The following DENND1B variants were observed in gnomAD, a reference collection of about 807,000 sequenced individuals.
DENND1B encodes DENN domain containing 1B.
Under a neutral mutation model 90.1 loss-of-function variants are expected in DENND1B, and 59 were observed. The observed-to-expected ratio is 0.65, with a 90% CI of 0.53 to 0.81. The LOEUF is 0.81. DENND1B is among the 40% of genes least tolerant of loss of function. The pLI is 0.00. For missense variants in DENND1B, 862 were observed against 912.6 expected (o/e 0.94, Z 0.71); for synonymous variants, 337 against 324.6 (o/e 1.04, Z -0.41).
chr1:197,559,959 A>G (rs1479808605), intron 15 of DENND1B, among the ~76,000 whole-genome samples: 1 of 151,974 alleles, frequency 6.6e-6, no homozygotes, highest in African/African-American at 2.4e-5. Context: ...GAATAGAAAT[A>G]AATTGTTATT....
At chr1:197,584,745 C>T (rs1297296851) in intron 14 of DENND1B, among the ~76,000 whole-genome samples, 1 of 152,108 alleles carries the variant, frequency 6.6e-6, no homozygotes, top group Non-Finnish European at 1.5e-5. Flanking sequence ...ATTCATAGCT[C>T]ACTGCAGCCT....
chr1:197,550,672 G>C (rs1469278340), intron 16 of DENND1B, among the ~76,000 whole-genome samples: 3 of 6,216 alleles, frequency 4.8e-4, no homozygotes, highest in East Asian at 0.014. Flanking sequence ...TGGGGTGAGG[G>C]GGGGGGGGAG....
chr1:197,589,107 T>C (rs925637695), intron 14 of DENND1B, among the ~76,000 whole-genome samples: 3 of 152,120 alleles, frequency 2.0e-5, no homozygotes, highest in Admixed American at 6.6e-5. Flanking sequence ...AAAAAATTAA[T>C]AGATTGTGCA....
chr1:197,538,287 T>C (rs1422998198), intron 20 of DENND1B, among the ~76,000 whole-genome samples: 1 of 152,022 alleles, frequency 6.6e-6, no homozygotes, highest in African/African-American at 2.4e-5. Context: ...CAGACAAGAA[T>C]TGAACATATT....
intron 2 of DENND1B, among the ~76,000 whole-genome samples, chr1:197,764,958 C>A (rs1286596293): frequency 2.0e-5 from 3 of 152,090 alleles, no homozygotes; most frequent in African/African-American, 7.2e-5. Context: ...ATGGCACCTA[C>A]AAGGTGACAG....
intron 2 of DENND1B, among the ~76,000 whole-genome samples, chr1:197,736,615 G>A (rs1175426809): frequency 2.0e-5 from 3 of 152,156 alleles, no homozygotes; most frequent in Non-Finnish European, 4.4e-5. Context: ...TAGGATTAGA[G>A]GTGTGAGCCA....
At chr1:197,692,834 C>T (rs909182548) in intron 3 of DENND1B, among the ~76,000 whole-genome samples, 9 of 151,556 alleles carry the variant, frequency 5.9e-5, no homozygotes, top group Non-Finnish European at 8.9e-5. Context: ...CTTGGAGATT[C>T]TTTTCTTTCC....
chr1:197,780,526 A>G (rs1051962689), upstream of DENND1B, among the ~76,000 whole-genome samples: 23 of 151,788 alleles, frequency 1.5e-4, no homozygotes, highest in African/African-American at 4.4e-4. Flanking sequence ...GGGTTTCACC[A>G]TGTTGGTCAG....
chr1:197,672,690 T>C (rs1301033119), intron 4 of DENND1B, among the ~76,000 whole-genome samples: 1 of 151,998 alleles, frequency 6.6e-6, no homozygotes, highest in African/African-American at 2.4e-5. Flanking sequence ...TAGAATTCTC[T>C]TGTACAGCTA....
chr1:197,571,832 G>A (rs1320384994), intron 15 of DENND1B, among the ~76,000 whole-genome samples: 1 of 151,932 alleles, frequency 6.6e-6, no homozygotes, highest in Non-Finnish European at 1.5e-5. Context: ...TGACAGGGAG[G>A]GACACTCAGG....
intron 15 of DENND1B, among the ~76,000 whole-genome samples, chr1:197,565,755 T>C (rs958843476): frequency 6.6e-6 from 1 of 150,600 alleles, no homozygotes; most frequent in African/African-American, 2.4e-5. Context: ...TTTTTTGTTC[T>C]TGCGATAGTT....
Position 197,595,252 on chromosome 1 carries a change from C to A in DENND1B, c.1003G>T (p.Ala335Ser), listed in dbSNP as rs201071193. 2 of 1,613,308 alleles carry A rather than the reference C, an allele frequency of 1.2e-6. No individual in the cohort carries two copies. The highest frequency in any genetic ancestry group is 1.7e-6 in the Non-Finnish European group (2 of 1,179,428). Residue 335 changes from alanine (A) to serine (S), a missense_variant, in exon 14 of 23, where the codon GCT becomes TCT. Coordinates refer to ENST00000620048, the MANE Select transcript of DENND1B (RefSeq NM_001195215.2). ...GVARAFLRAQ[A>S]ALFGSYRDAL... Reference sequence around the variant, plus strand: ...TCTCTGTAGGATCCAAACAAAGCAGCCTGTGCTCTAAGAAAGGCCCTAGCT... The same window carrying A: ...TCTCTGTAGGATCCAAACAAAGCAGACTGTGCTCTAAGAAAGGCCCTAGCT...
chr1:197,564,668 A>G (rs746239522), intron 15 of DENND1B, among the ~76,000 whole-genome samples: 14 of 151,986 alleles, frequency 9.2e-5, no homozygotes, highest in Non-Finnish European at 2.1e-4. Flanking sequence ...AGTAAAGAAT[A>G]CTTAAAAAGT....
chr1:197,640,043 T>C (rs1232597739), intron 10 of DENND1B, among the ~76,000 whole-genome samples: 6 of 152,154 alleles, frequency 3.9e-5, no homozygotes, highest in Admixed American at 6.5e-5. Context: ...TGATAATAAA[T>C]TGACATCAAA....
chr1:197,719,367 G>A (rs1660943540), intron 2 of DENND1B, among the ~76,000 whole-genome samples: 1 of 152,090 alleles, frequency 6.6e-6, no homozygotes. Flanking sequence ...AGGAAGGTTG[G>A]AATTCAGATC....
At chr1:197,742,468 G>A (rs1280446946) in intron 2 of DENND1B, among the ~76,000 whole-genome samples, 1 of 152,122 alleles carries the variant, frequency 6.6e-6, no homozygotes, top group Non-Finnish European at 1.5e-5. Context: ...CATAAATAAT[G>A]CAAATTAAAG....
chr1:197,622,803 A>T (rs184398078), intron 10 of DENND1B, among the ~76,000 whole-genome samples: 20 of 151,570 alleles, frequency 1.3e-4, no homozygotes, highest in Non-Finnish European at 2.4e-4. Flanking sequence ...ACAAAATCTG[A>T]TTTGTTCCTT....
intron 10 of DENND1B, among the ~76,000 whole-genome samples, chr1:197,629,128 A>G (rs1185915554): frequency 6.6e-6 from 1 of 152,172 alleles, no homozygotes; most frequent in Non-Finnish European, 1.5e-5. Flanking sequence ...GCGATTCCTC[A>G]GGGATCTAGA....
intron 3 of DENND1B, among the ~76,000 whole-genome samples, chr1:197,684,995 G>T (rs911065149): frequency 2.6e-5 from 4 of 152,134 alleles, no homozygotes; most frequent in Non-Finnish European, 5.9e-5. Flanking sequence ...GTGGGTGCCG[G>T]TAATCCCAGC....
Sources: allele counts gnomAD v4.1 joint callset (sites outside exome capture counted in the v4.1 genomes callset), GRCh38; gene constraint gnomAD v4.1.1; transcripts MANE v1.5; gene names NCBI Gene and HGNC (gene_info 2026-07-23, HGNC 2026-07-21).